The following SAE1 variants were observed in gnomAD, a reference collection of about 807,000 sequenced individuals.
SAE1 encodes SUMO1 activating enzyme subunit 1, also known as SUMO-activating enzyme subunit 1.
SAE1 carries 11 observed loss-of-function variants against 40.6 expected under a neutral mutation model. The ratio of observed to expected loss-of-function variants is 0.27; its 90% CI spans 0.17 to 0.45. The LOEUF is 0.45. Among genes scored for constraint, SAE1 ranks in the 20% least tolerant of loss-of-function variants. SAE1 has a pLI of 1.00. For missense variants in SAE1, 373 were observed against 427.3 expected (o/e 0.87, Z 1.12); for synonymous variants, 155 against 154.3 (o/e 1.00, Z -0.03).
intron 2 of SAE1, among the ~76,000 whole-genome samples, chr19:47,147,793 C>G (rs1488399969): frequency 4.1e-5 from 6 of 146,498 alleles, no homozygotes; most frequent in Non-Finnish European, 9.0e-5. Context: ...GAGTCTCGCT[C>G]TGTTGCCCAG....
chr19:47,205,638 T>C (rs538933526), intron 8 of SAE1, among the ~76,000 whole-genome samples: 1 of 152,090 alleles, frequency 6.6e-6, no homozygotes, highest in Admixed American at 6.6e-5. Context: ...AAGTGGGGAA[T>C]GGGAATGTAC....
At chr19:47,193,165 C>A (rs1397299182) in intron 6 of SAE1, among the ~76,000 whole-genome samples, 1 of 150,810 alleles carries the variant, frequency 6.6e-6, no homozygotes, top group Non-Finnish European at 1.5e-5. Flanking sequence ...TCAAGAGATT[C>A]TCCTGCCTCA....
chr19:47,157,901 G>A (rs951552612), intron 5 of SAE1, among the ~76,000 whole-genome samples: 1 of 152,160 alleles, frequency 6.6e-6, no homozygotes, highest in Non-Finnish European at 1.5e-5. Context: ...CCTGCGGACC[G>A]ACTGGGCTGG....
At chr19:47,205,120 G>C (rs561205684) in intron 8 of SAE1, among the ~76,000 whole-genome samples, 1 of 152,094 alleles carries the variant, frequency 6.6e-6, no homozygotes, top group Non-Finnish European at 1.5e-5. Context: ...GGCTGCCTTC[G>C]TGGACTCCGG....
At chr19:47,189,421 C>T (rs1328328012) in intron 6 of SAE1, among the ~76,000 whole-genome samples, 8 of 152,034 alleles carry the variant, frequency 5.3e-5, no homozygotes, top group South Asian at 2.1e-4. Context: ...ATGAGCCGGG[C>T]GTAGTGGTGC....
Position 47,140,352 on chromosome 19 carries a change from T to C in SAE1, c.99-3142T>C, listed in dbSNP as rs563486569. Among the ~76,000 whole-genome samples, 9 of 151,810 alleles carry C rather than the reference T, an allele frequency of 5.9e-5. No individual in the cohort carries two copies. The South Asian group carries it at 6.2e-4, about 11-fold the overall frequency. On this transcript the variant is annotated intron_variant, in intron 1 of 8. Transcript: ENST00000270225. ...CGGTCTTCTGACCTCGTGATCTGCC[T>C]GTCTCGGCCTCCCAAAGTGCTGGGA...
intron 7 of SAE1, 141 bp downstream of exon 7, chr19:47,197,518 C>T: frequency 1.8e-6 from 1 of 557,768 alleles, no homozygotes; most frequent in Non-Finnish European, 3.1e-6. Context: ...AGACTTCTGC[C>T]TCTCCACTAG....
intron 6 of SAE1, among the ~76,000 whole-genome samples, chr19:47,186,471 A>C (rs1201547368): frequency 6.6e-6 from 1 of 152,134 alleles, no homozygotes; most frequent in East Asian, 1.9e-4. Context: ...AGGGATCCTT[A>C]ATACCACATT....
At chr19:47,175,826 C>T (rs1442899328) in intron 6 of SAE1, among the ~76,000 whole-genome samples, 1 of 152,134 alleles carries the variant, frequency 6.6e-6, no homozygotes, top group African/African-American at 2.4e-5. Flanking sequence ...AGGATCACCA[C>T]CATAGTAGAA....
At chr19:47,189,422 G>A (rs189982451) in intron 6 of SAE1, among the ~76,000 whole-genome samples, 26 of 152,274 alleles carry the variant, frequency 1.7e-4, no homozygotes, top group African/African-American at 5.1e-4. Flanking sequence ...TGAGCCGGGC[G>A]TAGTGGTGCG....
chr19:47,141,654 C>T (rs979117875), intron 1 of SAE1, among the ~76,000 whole-genome samples: 3 of 151,700 alleles, frequency 2.0e-5, no homozygotes, highest in African/African-American at 4.8e-5. Context: ...AGGGGAAAGG[C>T]GTAGGTAGGC....
intron 6 of SAE1, among the ~76,000 whole-genome samples, chr19:47,181,438 G>T (rs2058505284): frequency 6.7e-6 from 1 of 150,364 alleles, no homozygotes; most frequent in Non-Finnish European, 1.5e-5. Flanking sequence ...TTATTTAAGA[G>T]AATGGTTTTT....
chr19:47,148,329 TAGAG>T (rs1332748563), intron 2 of SAE1, among the ~76,000 whole-genome samples: 2 of 151,998 alleles, frequency 1.3e-5, no homozygotes, highest in Non-Finnish European at 2.9e-5. Context: ...GGTAGTAAGA[TAGAG>T]AGTGTGCTGT....
In SAE1 at chr19:47,152,383, G is replaced by A. The variant is rs566865392; in HGVS notation, c.385-515G>A. 9.2e-5 allele frequency among the ~76,000 whole-genome samples: 14 copies of A among 152,260 alleles called. No individual in the cohort carries two copies. The South Asian group carries it at 2.9e-3, about 32-fold the overall frequency. ...TTAAATTCAGATAAAGTTTCACACC[G>A]CAATCTGTGGAAAAATGATCTCAAC... On this transcript the variant is annotated intron_variant, in intron 3 of 8. Coordinates refer to ENST00000270225, the MANE Select transcript of SAE1 (RefSeq NM_005500.3).
At chr19:47,173,392 CG>C (rs1845646168) in intron 6 of SAE1, among the ~76,000 whole-genome samples, 1 of 152,158 alleles carries the variant, frequency 6.6e-6, no homozygotes, top group African/African-American at 2.4e-5. Context: ...CCTCCAACCC[CG>C]TAACTTCTGA....
At chr19:47,209,028 C>T in intron 8 of SAE1, 131 bp from the exon 9 acceptor site, 1 of 722,090 alleles carries the variant, frequency 1.4e-6, no homozygotes, top group South Asian at 1.9e-5. Flanking sequence ...CCAGACATTG[C>T]CAAATAGCCC....
intron 2 of SAE1, 132 bp downstream of exon 2, chr19:47,143,737 T>C: frequency 1.5e-6 from 1 of 660,978 alleles, no homozygotes; most frequent in Non-Finnish European, 2.7e-6. Flanking sequence ...AACCATTGCC[T>C]CTGGAGACTG....
At chr19:47,195,570 A>G (rs775098435) in intron 6 of SAE1, among the ~76,000 whole-genome samples, 1 of 152,050 alleles carries the variant, frequency 6.6e-6, no homozygotes, top group Non-Finnish European at 1.5e-5. Context: ...GTCTAAGTAT[A>G]TGGCTGGCCC....
chr19:47,164,473 G>A (rs922949723), intron 5 of SAE1, among the ~76,000 whole-genome samples: 19 of 151,284 alleles, frequency 1.3e-4, no homozygotes, highest in African/African-American at 2.7e-4. Flanking sequence ...GGCCTGGAGC[G>A]CGTGATTTTA....
Sources: gnomAD v4.1 joint callset for allele counts (sites outside exome capture counted in the v4.1 genomes callset) on GRCh38, gnomAD v4.1.1 for gene constraint, MANE v1.5 for transcripts, NCBI Gene and HGNC (gene_info 2026-07-23, HGNC 2026-07-21) for gene names.